FAM107B: variants seen among roughly 807,000 people sequenced by gnomAD.
The protein encoded by FAM107B is protein FAM107B.
Under a neutral mutation model 31.5 loss-of-function variants are expected in FAM107B, and 21 were observed. That is an observed-to-expected ratio of 0.67 (90% CI 0.47 to 0.96). FAM107B has a LOEUF of 0.96. Among genes scored for constraint, FAM107B ranks in the 40% least tolerant of loss-of-function variants. FAM107B has a pLI of 0.00. For synonymous variants in FAM107B, 157 were observed against 141.5 expected, an observed-to-expected ratio of 1.11 and a Z score of -0.78; for missense variants, 452 against 377.1, an observed-to-expected ratio of 1.20 and a Z score of -1.64.
intron 2 of FAM107B, among the ~76,000 whole-genome samples, chr10:14,635,178 G>GT: frequency 6.6e-6 from 1 of 151,940 alleles, no homozygotes; most frequent in Non-Finnish European, 1.5e-5. Context: ...ACAAACCTCA[G>GT]TTTTTTTGGC....
chr10:14,688,370 T>A (rs1855040847), intron 1 of FAM107B, among the ~76,000 whole-genome samples: 1 of 152,152 alleles, frequency 6.6e-6, no homozygotes, highest in Non-Finnish European at 1.5e-5. Context: ...TGAGTCAGCA[T>A]CTTTAATACA....
At chr10:14,717,992 C>T (rs1365769542) in intron 1 of FAM107B, among the ~76,000 whole-genome samples, 2 of 152,112 alleles carry the variant, frequency 1.3e-5, no homozygotes, top group East Asian at 1.9e-4. Context: ...AACAAAAGAT[C>T]ATGTTTTGGT....
intron 2 of FAM107B, among the ~76,000 whole-genome samples, chr10:14,592,037 G>C (rs1270991302): frequency 6.6e-6 from 1 of 152,192 alleles, no homozygotes; most frequent in Non-Finnish European, 1.5e-5. Context: ...TTCAAATCCT[G>C]GTCCTTAAGA....
intron 2 of FAM107B, among the ~76,000 whole-genome samples, chr10:14,541,302 C>T (rs1266218412): frequency 6.6e-6 from 1 of 152,218 alleles, no homozygotes; most frequent in Non-Finnish European, 1.5e-5. Context: ...CACTGGTCAC[C>T]TCAGGAGAGG....
At chr10:14,722,212 A>G (rs1303881867) in intron 1 of FAM107B, among the ~76,000 whole-genome samples, 1 of 152,122 alleles carries the variant, frequency 6.6e-6, no homozygotes, top group East Asian at 1.9e-4. Context: ...CTCCCACACA[A>G]TCCCTAATAA....
intron 2 of FAM107B, among the ~76,000 whole-genome samples, chr10:14,582,673 A>G (rs1024089890): frequency 6.6e-5 from 10 of 150,490 alleles, no homozygotes; most frequent in East Asian, 2.0e-4. Flanking sequence ...CACCACACCC[A>G]GCCTACCCAC....
Position 14,657,792 on chromosome 10 carries a change from G to A in FAM107B, c.469+9842C>T, listed in dbSNP as rs1404294064. 5.3e-5 allele frequency among the ~76,000 whole-genome samples: 8 copies of A among 152,066 alleles called. No individual in the cohort carries two copies. The East Asian group carries it at 1.5e-3, about 29-fold the overall frequency. The stretch of plus-strand genomic sequence containing the variant: ...TCTTCTAATAAACCTCCAGCAACAA[G>A]CATGTTGCCACCTTCACTTTTTTTT... On this transcript the variant is annotated intron_variant, in intron 2 of 4. Coordinates refer to ENST00000181796, the MANE Select transcript of FAM107B (RefSeq NM_031453.4).
At chr10:14,646,231 G>T (rs1853750117) in intron 2 of FAM107B, among the ~76,000 whole-genome samples, 1 of 152,050 alleles carries the variant, frequency 6.6e-6, no homozygotes. Context: ...GCGGTTTTTG[G>T]TGACATAGAT....
chr10:14,665,610 T>C (rs145495912), intron 2 of FAM107B, among the ~76,000 whole-genome samples: 2 of 152,320 alleles, frequency 1.3e-5, no homozygotes, highest in East Asian at 1.9e-4. Flanking sequence ...GGCTGAGAAA[T>C]GAAAGATCAA....
intron 2 of FAM107B, among the ~76,000 whole-genome samples, chr10:14,583,910 G>A (rs900363007): frequency 6.6e-6 from 1 of 152,202 alleles, no homozygotes; most frequent in African/African-American, 2.4e-5. Context: ...CTCCCCGAAA[G>A]GGACTCGTGG....
intron 1 of FAM107B, among the ~76,000 whole-genome samples, chr10:14,730,379 G>A (rs1237175987): frequency 6.6e-6 from 1 of 152,144 alleles, no homozygotes; most frequent in Admixed American, 6.5e-5. Flanking sequence ...TGCCCAAGAT[G>A]ATATTCTTGA....
chr10:14,526,463 G>A (rs6602736), intron 3 of FAM107B, among the ~76,000 whole-genome samples: 21,544 of 152,104 alleles, frequency 0.14, 1,683 homozygotes, highest in Non-Finnish European at 0.18. Flanking sequence ...GGCGTGAGCC[G>A]CCGCGCTGGG....
chr10:14,686,218 G>T (rs565347173), intron 1 of FAM107B, among the ~76,000 whole-genome samples: 1 of 152,004 alleles, frequency 6.6e-6, no homozygotes, highest in Admixed American at 6.6e-5. Context: ...GTGAAACCCC[G>T]TCTCTACTAC....
intron 2 of FAM107B, among the ~76,000 whole-genome samples, chr10:14,579,388 G>A (rs140088470): frequency 1.4e-3 from 209 of 152,276 alleles, no homozygotes; most frequent in African/African-American, 4.8e-3. Flanking sequence ...CCAGTTACCC[G>A]GTTGCTGTAA....
At chr10:14,611,484 T>TTATATATATATATA (rs3035276) in intron 2 of FAM107B, among the ~76,000 whole-genome samples, 3 of 124,692 alleles carry the variant, frequency 2.4e-5, no homozygotes, top group African/African-American at 6.1e-5. Flanking sequence ...AATGCCAGTT[T>TTATATATATATATA]TATATATATA....
chr10:14,545,545 C>A (rs1271080632), intron 2 of FAM107B, among the ~76,000 whole-genome samples: 1 of 152,208 alleles, frequency 6.6e-6, no homozygotes, highest in Non-Finnish European at 1.5e-5. Flanking sequence ...TGACATGCAG[C>A]AGATACTGAC....
intron 2 of FAM107B, among the ~76,000 whole-genome samples, chr10:14,549,347 G>T (rs1185758603): frequency 6.6e-6 from 1 of 152,186 alleles, no homozygotes; most frequent in Admixed American, 6.5e-5. Context: ...AAGAGCAATC[G>T]GAGTTTCTTA....
At chr10:14,636,956 A>G (rs1436620979) in intron 2 of FAM107B, among the ~76,000 whole-genome samples, 1 of 152,076 alleles carries the variant, frequency 6.6e-6, no homozygotes, top group Non-Finnish European at 1.5e-5. Flanking sequence ...GATGTCCTGG[A>G]GGATTTACTG....
At chr10:14,618,996 G>C (rs771074837) in intron 2 of FAM107B, among the ~76,000 whole-genome samples, 1 of 152,132 alleles carries the variant, frequency 6.6e-6, no homozygotes, top group Non-Finnish European at 1.5e-5. Context: ...AGAGATTGGA[G>C]TGATGTATCA....
Sources: gnomAD v4.1 joint callset for allele counts (sites outside exome capture counted in the v4.1 genomes callset) on GRCh38, gnomAD v4.1.1 for gene constraint, MANE v1.5 for transcripts, NCBI Gene and HGNC (gene_info 2026-07-23, HGNC 2026-07-21) for gene names.